ACP3: variants seen among roughly 807,000 people sequenced by gnomAD.
The protein encoded by ACP3 is prostatic acid phosphatase.
A neutral mutation model predicts 45.6 loss-of-function variants in ACP3; 38 were observed. The ratio of observed to expected loss-of-function variants is 0.83; its 90% CI spans 0.64 to 1.09. The LOEUF (loss-of-function observed/expected upper bound fraction) is 1.09, where lower values mean the gene tolerates loss of function less well. Ranked by LOEUF, ACP3 falls within the 50% of genes least tolerant of loss-of-function variation. ACP3 has a pLI of 0.00. For missense variants in ACP3, 466 were observed against 463.2 expected, an observed-to-expected ratio of 1.01 and a Z score of -0.05; for synonymous variants, 162 against 164.7, an observed-to-expected ratio of 0.98 and a Z score of 0.13.
exon 11 of ACP3, chr3:132,367,893 C>T: frequency 8.5e-7 from 1 of 1,177,058 alleles, no homozygotes; most frequent in Non-Finnish European, 1.3e-6. Context: ...ATCTAAAGGA[C>T]AGGCTTTTGC....
At chr3:132,345,972 G>T (rs1053836368) in intron 7 of ACP3, among the ~76,000 whole-genome samples, 15 of 152,204 alleles carry the variant, frequency 9.9e-5, no homozygotes, top group Non-Finnish European at 2.2e-4. Context: ...TTGACGTAAT[G>T]AGGAAAGTCC....
intron 5 of ACP3, 32 bp from the exon 6 acceptor site, chr3:132,342,520 T>C (rs1937563424): frequency 6.8e-7 from 1 of 1,462,818 alleles, no homozygotes. Flanking sequence ...GAAACCTGTG[T>C]AGGAATTTTT....
At chr3:132,335,886 A>G (rs1937480431) in intron 4 of ACP3, among the ~76,000 whole-genome samples, 1 of 152,188 alleles carries the variant, frequency 6.6e-6, no homozygotes, top group African/African-American at 2.4e-5. Context: ...ATTTTATTTT[A>G]GGTAAAATGG....
chr3:132,328,495 G>T, intron 2 of ACP3, 133 bp downstream of exon 2: 1 of 574,230 alleles, frequency 1.7e-6, no homozygotes, highest in South Asian at 2.0e-5. Flanking sequence ...CCTGGCCAAC[G>T]TGGTGAAACC....
chr3:132,323,956 G>A lies in ACP3; in HGVS notation c.121-4311G>A, dbSNP rs184013617. Among the ~76,000 whole-genome samples, 493 of 152,312 alleles carry A rather than the reference G, an allele frequency of 3.2e-3. 12 individuals are homozygous for A. Among genetic ancestry groups the A allele is most frequent in the Admixed American group, 0.014 (217 of 15,298 alleles). Reference sequence around the variant, plus strand: ...TTTTAGGCTGGGCACAGTGGCTCACGCCTGTAATCCCAACACTTTGGGAGG... The same window carrying A: ...TTTTAGGCTGGGCACAGTGGCTCACACCTGTAATCCCAACACTTTGGGAGG... On this transcript the variant is annotated intron_variant, in intron 1 of 9. Transcript: ENST00000336375.
chr3:132,340,035 C>A (rs972389878), intron 5 of ACP3, among the ~76,000 whole-genome samples: 2 of 152,116 alleles, frequency 1.3e-5, no homozygotes, highest in Non-Finnish European at 2.9e-5. Context: ...AAATAGAAGG[C>A]CGGGCACAGT....
At chr3:132,348,847 A>C (rs1937652372) in intron 7 of ACP3, among the ~76,000 whole-genome samples, 1 of 152,084 alleles carries the variant, frequency 6.6e-6, no homozygotes, top group African/African-American at 2.4e-5. Context: ...TCTTCTTACT[A>C]TTTTATGAGT....
chr3:132,328,338 A>G lies in ACP3; in HGVS notation c.192A>G (p.Pro64=), dbSNP rs1281227490. The G allele has an allele frequency of 6.2e-7, 1 of 1,613,872 alleles. No homozygotes were observed. The highest frequency in any genetic ancestry group is 1.7e-5 in the Admixed American group (1 of 60,016). Residue 64 remains proline (P), a synonymous_variant, in exon 2 of 10, where the codon CCA becomes CCG. Coordinates refer to ENST00000336375, the MANE Select transcript of ACP3 (RefSeq NM_001099.5). ...PTDPIKESSW[P]QGFGQLTQLG... is the part of the protein sequence containing the mutation. ...ACCCCATAAAGGAATCCTCATGGCC[A>G]CAAGGATTTGGCCAACTCACCCAGG... is the stretch of plus-strand genomic sequence containing the variant.
At chr3:132,347,387 A>G (rs895358909) in intron 7 of ACP3, among the ~76,000 whole-genome samples, 1 of 152,234 alleles carries the variant, frequency 6.6e-6, no homozygotes. Flanking sequence ...TCTAGGTGAC[A>G]AAGAGTAATG....
intron 4 of ACP3, among the ~76,000 whole-genome samples, chr3:132,332,965 G>T (rs2107799906): frequency 1.3e-5 from 2 of 152,232 alleles, no homozygotes; most frequent in South Asian, 4.1e-4. Context: ...ATCACTCTGG[G>T]ATTAAAACTA....
chr3:132,336,955 G>T (rs774693840), intron 4 of ACP3, among the ~76,000 whole-genome samples: 1 of 151,986 alleles, frequency 6.6e-6, no homozygotes, highest in Non-Finnish European at 1.5e-5. Context: ...TATTTAATAC[G>T]TACTCTTAAC....
intron 3 of ACP3, 60 bp downstream of exon 3, chr3:132,331,793 A>T: frequency 7.1e-7 from 1 of 1,403,784 alleles, no homozygotes; most frequent in Non-Finnish European, 9.9e-7. Context: ...ATAATTCTGC[A>T]TATATAAAAG....
chr3:132,333,609 C>G (rs1937439579), intron 4 of ACP3: 1 of 152,596 alleles, frequency 6.6e-6, no homozygotes, highest in Non-Finnish European at 1.5e-5. Flanking sequence ...GGAGTTAAAT[C>G]TACTCCAACC....
intron 7 of ACP3, among the ~76,000 whole-genome samples, chr3:132,347,630 C>A (rs961585285): frequency 1.3e-5 from 2 of 151,794 alleles, no homozygotes; most frequent in African/African-American, 2.4e-5. Flanking sequence ...CAGTCATGCA[C>A]CACCATGCCC....
chr3:132,332,796 G>A (rs910539949), intron 4 of ACP3, among the ~76,000 whole-genome samples: 1 of 151,292 alleles, frequency 6.6e-6, no homozygotes, highest in African/African-American at 2.5e-5. Context: ...AGATTTGAGT[G>A]CATAATCATT....
At chr3:132,354,956 T>C (rs1937845949) in intron 9 of ACP3, among the ~76,000 whole-genome samples, 1 of 152,258 alleles carries the variant, frequency 6.6e-6, no homozygotes, top group Non-Finnish European at 1.5e-5. Context: ...AAAGATAATT[T>C]TGTCTTCTAT....
At chr3:132,361,560 A>C (rs1326151592), downstream of ACP3, among the ~76,000 whole-genome samples, 4 of 152,180 alleles carry the variant, frequency 2.6e-5, no homozygotes, top group Non-Finnish European at 5.9e-5. Context: ...TATTGTCACC[A>C]TTTCAAACGA....
intron 5 of ACP3, among the ~76,000 whole-genome samples, chr3:132,340,072 T>C (rs1937535125): frequency 6.6e-6 from 1 of 152,132 alleles, no homozygotes. Flanking sequence ...CCCAACACTT[T>C]GGGAGACCAA....
intron 1 of ACP3, 82 bp from the exon 2 acceptor site, chr3:132,328,185 G>GAA (rs368525246): frequency 8.8e-4 from 804 of 914,974 alleles, no homozygotes; most frequent in East Asian, 9.5e-4. Flanking sequence ...CAATGAGTTA[G>GAA]AAAAAAAAAA....
Sources: gnomAD v4.1 joint callset for allele counts (sites outside exome capture counted in the v4.1 genomes callset) on GRCh38, gnomAD v4.1.1 for gene constraint, MANE v1.5 for transcripts, NCBI Gene and HGNC (gene_info 2026-07-23, HGNC 2026-07-21) for gene names.